The following ASXL3 variants were observed in gnomAD, a reference collection of about 807,000 sequenced individuals.
ASXL3 encodes the protein ASXL transcriptional regulator 3.
ASXL3 carries 34 observed loss-of-function variants against 170.6 expected under a neutral mutation model. That is an observed-to-expected ratio of 0.20 (90% CI 0.15 to 0.27). ASXL3 has a LOEUF of 0.27. ASXL3 is among the 10% of genes least tolerant of loss of function. The pLI is 1.00. For missense variants in ASXL3, 2,592 were observed against 2,695.3 expected (o/e 0.96, Z 0.85); for synonymous variants, 1,002 against 989.1 (o/e 1.01, Z -0.24).
At chr18:33,643,308 T>C (rs1283153430) in intron 2 of ASXL3, among the ~76,000 whole-genome samples, 2 of 151,884 alleles carry the variant, frequency 1.3e-5, no homozygotes, top group African/African-American at 2.4e-5. Context: ...TATTTTACTT[T>C]ATAGGTATGC....
intron 8 of ASXL3, among the ~76,000 whole-genome samples, chr18:33,704,594 G>A (rs758286385): frequency 6.6e-6 from 1 of 151,950 alleles, no homozygotes; most frequent in Non-Finnish European, 1.5e-5. Flanking sequence ...TAATCTAGAA[G>A]CAGTCAGATA....
chr18:33,693,054 G>A (rs757632596), intron 8 of ASXL3, among the ~76,000 whole-genome samples: 10 of 152,216 alleles, frequency 6.6e-5, no homozygotes, highest in South Asian at 4.1e-4. Context: ...CCCTTTAAGA[G>A]CCTTATCTCC....
intron 1 of ASXL3, among the ~76,000 whole-genome samples, chr18:33,584,217 G>T (rs2065016420): frequency 6.6e-6 from 1 of 152,124 alleles, no homozygotes; most frequent in Non-Finnish European, 1.5e-5. Flanking sequence ...AAGAGGATAG[G>T]TTCAGGGGGT....
intron 8 of ASXL3, among the ~76,000 whole-genome samples, chr18:33,713,341 A>ACC (rs369212435): frequency 1.8e-5 from 1 of 56,092 alleles, no homozygotes; most frequent in South Asian, 6.3e-4. Flanking sequence ...TGCAACCTCC[A>ACC]CCCCCCCCCG....
intron 8 of ASXL3, among the ~76,000 whole-genome samples, chr18:33,726,626 G>A (rs2067355832): frequency 6.6e-6 from 1 of 152,072 alleles, no homozygotes; most frequent in Non-Finnish European, 1.5e-5. Flanking sequence ...TTAATTACAT[G>A]TTTCTTTTAT....
At position 33,749,594 on chromosome 18, in the gene ASXL3, A is replaced by G. The variant is rs1344816363; in HGVS notation, c.*2999A>G. ...TTTAGGTTAGTTAATGGGCATGTTAATAAGAGCATTGTGATGCAAATTCAT... is the reference window on the plus strand; with the variant it reads ...TTTAGGTTAGTTAATGGGCATGTTAGTAAGAGCATTGTGATGCAAATTCAT... On this transcript the variant is annotated 3_prime_UTR_variant, in exon 12 of 12. Coordinates refer to ENST00000269197, the MANE Select transcript of ASXL3 (RefSeq NM_030632.3). 1 of 152,198 alleles carries G rather than the reference A, an allele frequency of 6.6e-6. No individual in the cohort carries two copies. Among genetic ancestry groups the G allele is most frequent in the Non-Finnish European group, 1.5e-5 (1 of 68,032 alleles). 9.4% of individuals were successfully genotyped at this position (152,198 alleles called of 1,614,324 possible). A position where few individuals can be genotyped will look rare whatever the true frequency, so the allele number is the denominator to read the frequency against.
In ASXL3 at chr18:33,750,373, G is replaced by A. The variant is rs1294495716; in HGVS notation, c.*3778G>A. On this transcript the variant is annotated 3_prime_UTR_variant, in exon 12 of 12. Transcript: ENST00000269197. ...ATTTCGCTTTGTACTATATTTGATA[G>A]TTGCAGAATAATTTAGACTGTAGAA... The A allele has an allele frequency of 2.6e-5, 4 of 152,188 alleles. No homozygotes were observed. The highest frequency in any genetic ancestry group is 9.7e-5 in the African/African-American group (4 of 41,440). The allele number at this position is 152,188 out of a possible 1,614,324, so 9.4% of individuals were successfully genotyped here.
At chr18:33,687,359 G>A (rs1369993109) in intron 8 of ASXL3, among the ~76,000 whole-genome samples, 1 of 152,118 alleles carries the variant, frequency 6.6e-6, no homozygotes, top group Non-Finnish European at 1.5e-5. Context: ...GAGTGGAGAT[G>A]GCATGGAAAT....
intron 1 of ASXL3, 23 bp downstream of exon 1, chr18:33,578,708 C>A (rs2145083029): frequency 8.2e-7 from 1 of 1,219,816 alleles, no homozygotes; most frequent in Non-Finnish European, 1.0e-6. Flanking sequence ...CCCCACACGC[C>A]GCCCGCGCCT....
chr18:33,652,302 T>G (rs1401920770), intron 4 of ASXL3, among the ~76,000 whole-genome samples: 5 of 152,062 alleles, frequency 3.3e-5, no homozygotes, highest in African/African-American at 1.2e-4. Flanking sequence ...TCTGCAGAAC[T>G]CATACATATT....
chr18:33,643,992 C>T (rs2065881889), intron 2 of ASXL3, among the ~76,000 whole-genome samples: 1 of 151,812 alleles, frequency 6.6e-6, no homozygotes, highest in Non-Finnish European at 1.5e-5. Context: ...ATAATTGTAG[C>T]TCTAAATTTT....
chr18:33,728,856 T>C (rs1028440427), intron 8 of ASXL3, among the ~76,000 whole-genome samples: 4 of 152,306 alleles, frequency 2.6e-5, no homozygotes, highest in African/African-American at 7.2e-5. Context: ...AGCACATACC[T>C]TTTAGGTTTT....
At chr18:33,720,550 C>T (rs189792884) in intron 8 of ASXL3, among the ~76,000 whole-genome samples, 1 of 152,152 alleles carries the variant, frequency 6.6e-6, no homozygotes, top group Admixed American at 6.6e-5. Flanking sequence ...TTAAAACATA[C>T]ACATTCTCAT....
intron 1 of ASXL3, 156 bp downstream of exon 1, chr18:33,578,841 C>A: frequency 2.7e-6 from 1 of 376,000 alleles, no homozygotes; most frequent in Non-Finnish European, 3.9e-6. Context: ...TGGGCTCGCC[C>A]GGGGGCCCCT....
At chr18:33,734,994 AC>A (rs1555741340) in intron 10 of ASXL3, among the ~76,000 whole-genome samples, 2 of 152,074 alleles carry the variant, frequency 1.3e-5, no homozygotes, top group Non-Finnish European at 2.9e-5. Flanking sequence ...AAGCAGTTTC[AC>A]CTTTGCCTCA....
intron 8 of ASXL3, among the ~76,000 whole-genome samples, chr18:33,720,007 GGAA>G (rs1264535054): frequency 3.3e-5 from 5 of 152,130 alleles, no homozygotes; most frequent in African/African-American, 4.8e-5. Context: ...TCGTTTTTAT[GGAA>G]GAAGAAGTAG....
At chr18:33,586,033 A>G (rs940000989) in intron 1 of ASXL3, among the ~76,000 whole-genome samples, 1 of 152,188 alleles carries the variant, frequency 6.6e-6, no homozygotes, top group African/African-American at 2.4e-5. Flanking sequence ...AGGCAATAGG[A>G]TGGACCATTC....
chr18:33,711,045 C>T (rs1175824538), intron 8 of ASXL3, among the ~76,000 whole-genome samples: 3 of 152,110 alleles, frequency 2.0e-5, no homozygotes, highest in East Asian at 3.9e-4. Context: ...TAAATTATTT[C>T]GTTTAGATTT....
intron 4 of ASXL3, among the ~76,000 whole-genome samples, chr18:33,660,305 T>C (rs1368037168): frequency 1.3e-5 from 2 of 152,172 alleles, no homozygotes; most frequent in African/African-American, 4.8e-5. Flanking sequence ...TGTTCATTTG[T>C]CTTTCTGATT....
Sources: gnomAD v4.1 joint callset for allele counts (sites outside exome capture counted in the v4.1 genomes callset) on GRCh38, gnomAD v4.1.1 for gene constraint, MANE v1.5 for transcripts, NCBI Gene and HGNC (gene_info 2026-07-23, HGNC 2026-07-21) for gene names.